WDR70: variants seen among roughly 807,000 people sequenced by gnomAD.
The protein encoded by WDR70 is WD repeat domain 70.
Under a neutral mutation model 88.6 loss-of-function variants are expected in WDR70, and 53 were observed. The ratio of observed to expected loss-of-function variants is 0.60; its 90% CI spans 0.48 to 0.75. The LOEUF (loss-of-function observed/expected upper bound fraction) is 0.75, where lower values mean the gene tolerates loss of function less well. Among genes scored for constraint, WDR70 ranks in the 30% least tolerant of loss-of-function variants. WDR70 has a pLI of 0.00. For synonymous variants in WDR70, 280 were observed against 270.0 expected, an observed-to-expected ratio of 1.04 and a Z score of -0.36; for missense variants, 610 against 823.2, an observed-to-expected ratio of 0.74 and a Z score of 3.17.
chr5:37,407,878 T>C (rs1749401667), intron 5 of WDR70, among the ~76,000 whole-genome samples: 1 of 152,098 alleles, frequency 6.6e-6, no homozygotes, highest in Non-Finnish European at 1.5e-5. Flanking sequence ...CTGCCTCCCA[T>C]ACTTAGAAGC....
intron 9 of WDR70, among the ~76,000 whole-genome samples, chr5:37,582,160 G>A (rs1202018212): frequency 2.0e-5 from 3 of 151,932 alleles, no homozygotes; most frequent in Non-Finnish European, 4.4e-5. Context: ...TTATAGAATG[G>A]GTCATTTTTA....
chr5:37,688,982 A>G (rs1005130542), intron 10 of WDR70, among the ~76,000 whole-genome samples: 1 of 152,206 alleles, frequency 6.6e-6, no homozygotes, highest in African/African-American at 2.4e-5. Context: ...ACTGCTGCCC[A>G]AATACTGCAC....
chr5:37,583,831 G>A (rs1386047967), intron 9 of WDR70, among the ~76,000 whole-genome samples: 2 of 152,056 alleles, frequency 1.3e-5, no homozygotes, highest in Non-Finnish European at 2.9e-5. Flanking sequence ...TCCCTAAAAG[G>A]TACAAAATAC....
chr5:37,611,242 A>C (rs1421819693), intron 10 of WDR70, among the ~76,000 whole-genome samples: 1 of 151,866 alleles, frequency 6.6e-6, no homozygotes, highest in East Asian at 1.9e-4. Context: ...ATTTAAGACA[A>C]ATTCTCATAC....
intron 8 of WDR70, among the ~76,000 whole-genome samples, chr5:37,490,213 T>G (rs896173662): frequency 6.6e-6 from 1 of 152,094 alleles, no homozygotes; most frequent in African/African-American, 2.4e-5. Context: ...CCTTAAGGCC[T>G]CTGATGTTGT....
chr5:37,520,103 A>G (rs568019467), intron 9 of WDR70, among the ~76,000 whole-genome samples: 54 of 152,334 alleles, frequency 3.5e-4, no homozygotes, highest in African/African-American at 1.3e-3. Context: ...AAATTACAAT[A>G]AAAAATCTTG....
chr5:37,604,729 T>A (rs1475939411), intron 9 of WDR70, among the ~76,000 whole-genome samples: 1 of 152,190 alleles, frequency 6.6e-6, no homozygotes, highest in Non-Finnish European at 1.5e-5. Context: ...GGGGCAGACA[T>A]TAAGCAGTTT....
At chr5:37,703,937 C>G (rs1317337272) in intron 13 of WDR70, among the ~76,000 whole-genome samples, 1 of 152,110 alleles carries the variant, frequency 6.6e-6, no homozygotes, top group Non-Finnish European at 1.5e-5. Context: ...TGTTTCAGCT[C>G]TTTGTAAACA....
chr5:37,416,377 G>A (rs535144615), intron 5 of WDR70, among the ~76,000 whole-genome samples: 1 of 152,226 alleles, frequency 6.6e-6, no homozygotes, highest in East Asian at 1.9e-4. Flanking sequence ...CAGGCGTGGC[G>A]GCGCGCCTGC....
At chr5:37,602,992 AT>A (rs1743932250) in intron 9 of WDR70, among the ~76,000 whole-genome samples, 1 of 152,184 alleles carries the variant, frequency 6.6e-6, no homozygotes, top group Non-Finnish European at 1.5e-5. Flanking sequence ...AATAAAAAAA[AT>A]AAAAGGACAC....
At chr5:37,681,430 T>C (rs181871455) in intron 10 of WDR70, among the ~76,000 whole-genome samples, 41 of 152,320 alleles carry the variant, frequency 2.7e-4, no homozygotes, top group African/African-American at 8.9e-4. Flanking sequence ...TTCTTTCTCT[T>C]GCCTGATTCC....
At chr5:37,489,558 G>C (rs1739999139) in intron 8 of WDR70, among the ~76,000 whole-genome samples, 1 of 152,004 alleles carries the variant, frequency 6.6e-6, no homozygotes, top group Non-Finnish European at 1.5e-5. Context: ...ATAAGCAGTG[G>C]TAGACTGGGC....
At chr5:37,593,335 A>G (rs1743596734) in intron 9 of WDR70, among the ~76,000 whole-genome samples, 1 of 150,072 alleles carries the variant, frequency 6.7e-6, no homozygotes, top group South Asian at 2.1e-4. Flanking sequence ...AGGCCCCAGG[A>G]TGTGATGTTC....
chr5:37,749,252 A>G (rs981241179), intron 17 of WDR70, among the ~76,000 whole-genome samples: 1 of 152,088 alleles, frequency 6.6e-6, no homozygotes, highest in Non-Finnish European at 1.5e-5. Flanking sequence ...ATAGTATTCC[A>G]TGTGGAATAC....
At chr5:37,574,411 T>G (rs1181385836) in intron 9 of WDR70, among the ~76,000 whole-genome samples, 1 of 152,180 alleles carries the variant, frequency 6.6e-6, no homozygotes, top group Non-Finnish European at 1.5e-5. Context: ...GTGATGCACA[T>G]TTCTTTGTCT....
chr5:37,747,664 G>C (rs371010447), intron 17 of WDR70, among the ~76,000 whole-genome samples: 20 of 151,320 alleles, frequency 1.3e-4, no homozygotes, highest in African/African-American at 4.6e-4. Flanking sequence ...AATCAGGCAA[G>C]AGGTATTCAG....
rs1231840377 is a variant in WDR70 at position 37,426,215 on chromosome 5, G to GA, written c.493-11700dup. ...GAAACCAAAAGGAAGATTGTGATAGGAAAAAAATGTGTGGTCAATTGTATC... is the reference window on the plus strand; with the variant it reads ...GAAACCAAAAGGAAGATTGTGATAGGAAAAAAAATGTGTGGTCAATTGTATC... On this transcript the variant is annotated intron_variant, in intron 5 of 17. Coordinates refer to ENST00000265107, the MANE Select transcript of WDR70 (RefSeq NM_018034.4). Among the ~76,000 whole-genome samples the GA allele has an allele frequency of 2.6e-5, 4 of 151,872 alleles. No individual in the cohort carries two copies. The South Asian group carries it at 6.2e-4, about 24-fold the overall frequency.
At chr5:37,453,371 G>C (rs1333309940) in intron 7 of WDR70, among the ~76,000 whole-genome samples, 1 of 152,244 alleles carries the variant, frequency 6.6e-6, no homozygotes, top group Non-Finnish European at 1.5e-5. Context: ...TTAACTAAAA[G>C]TATCCCTTAT....
chr5:37,623,029 C>G (rs190683735), intron 10 of WDR70, among the ~76,000 whole-genome samples: 154 of 152,284 alleles, frequency 1.0e-3, no homozygotes, highest in Non-Finnish European at 1.8e-3. Context: ...TACCAAGTCT[C>G]TGTGTCTTAG....
Sources: gnomAD v4.1 joint callset for allele counts (sites outside exome capture counted in the v4.1 genomes callset) on GRCh38, gnomAD v4.1.1 for gene constraint, MANE v1.5 for transcripts, NCBI Gene and HGNC (gene_info 2026-07-23, HGNC 2026-07-21) for gene names.